SLC47A2: variants seen among roughly 807,000 people sequenced by gnomAD.
SLC47A2 encodes solute carrier family 47 member 2, also known as multidrug and toxin extrusion protein 2.
Under a neutral mutation model 67.7 loss-of-function variants are expected in SLC47A2, and 52 were observed. The observed-to-expected ratio is 0.77, with a 90% CI of 0.61 to 0.97. The LOEUF (loss-of-function observed/expected upper bound fraction) is 0.97, where lower values mean the gene tolerates loss of function less well. Among genes scored for constraint, SLC47A2 ranks in the 50% least tolerant of loss-of-function variants. SLC47A2 has a pLI of 0.00. For synonymous variants in SLC47A2, 278 were observed against 292.9 expected (o/e 0.95, Z 0.52); for missense variants, 676 against 712.3 (o/e 0.95, Z 0.58).
intron 5 of SLC47A2, among the ~76,000 whole-genome samples, chr17:19,710,723 G>A (rs1471385559): frequency 6.6e-6 from 1 of 152,026 alleles, no homozygotes; most frequent in Non-Finnish European, 1.5e-5. Context: ...AAAGTGCTAG[G>A]ATTACAGGTG....
chr17:19,707,995 A>T, intron 7 of SLC47A2, 152 bp from the exon 8 acceptor site: 1 of 814,046 alleles, frequency 1.2e-6, no homozygotes, highest in Non-Finnish European at 1.9e-6. Flanking sequence ...CAGGGCCCAC[A>T]GGCACCTCTG....
At chr17:19,706,598 C>T (rs577605887) in intron 9 of SLC47A2, 50 bp downstream of exon 9, 2 of 1,469,642 alleles carry the variant, frequency 1.4e-6, no homozygotes, top group African/African-American at 2.9e-5. Flanking sequence ...GGCTTCTGGG[C>T]TGGGTGAGCC....
intron 15 of SLC47A2, 51 bp from the exon 16 acceptor site, chr17:19,680,090 C>T (rs766686370): frequency 6.4e-7 from 1 of 1,556,478 alleles, no homozygotes; most frequent in East Asian, 2.3e-5. Context: ...AACAGTTCAC[C>T]CCTTCACTGC....
At chr17:19,686,129 G>A (rs1196064555) in intron 13 of SLC47A2, among the ~76,000 whole-genome samples, 1 of 152,124 alleles carries the variant, frequency 6.6e-6, no homozygotes, top group African/African-American at 2.4e-5. Flanking sequence ...GGGCATGGAG[G>A]TGAGCACCTG....
At chr17:19,707,220 G>A (rs1363991374) in intron 8 of SLC47A2, among the ~76,000 whole-genome samples, 1 of 152,160 alleles carries the variant, frequency 6.6e-6, no homozygotes, top group African/African-American at 2.4e-5. Flanking sequence ...GAGGCCCCAG[G>A]GGCCTGCAGA....
Position 19,702,658 on chromosome 17 carries a change from C to T in SLC47A2, c.1111G>A (p.Val371Met). The T allele has an allele frequency of 3.7e-6, 6 of 1,613,964 alleles. No individual in the cohort carries two copies. The highest frequency in any genetic ancestry group is 5.1e-6 in the Non-Finnish European group (6 of 1,179,960). ...CTATAAACCGGCAAGACCTGGCTCA[C>T]CAGGGCAATGACATCTCTGCAGAAG... ...FTNDEDVIAL[V>M]SQVLPVYSVF... The change falls in exon 13 of 17, where the codon GTG becomes ATG. Residue 371 changes from valine to methionine, a missense_variant. Physicochemically the swap from Val to Met is conservative, Grantham distance 21. Coordinates refer to ENST00000433844, the MANE Select transcript of SLC47A2 (RefSeq NM_001099646.3).
intron 8 of SLC47A2, 150 bp downstream of exon 8, chr17:19,707,596 A>C (rs2085975133): frequency 1.6e-6 from 1 of 633,866 alleles, no homozygotes; most frequent in South Asian, 2.2e-5. Flanking sequence ...GGGGCTGGGG[A>C]AGCAAAGGGG....
In SLC47A2 at chr17:19,702,600, C is replaced by T; in HGVS notation, c.1164+5G>A. The T allele has an allele frequency of 6.2e-7, 1 of 1,613,792 alleles. No homozygotes were observed. On this transcript the variant is annotated splice_donor_5th_base_variant and intron_variant, in intron 13 of 16. Coordinates refer to ENST00000433844, the MANE Select transcript of SLC47A2 (RefSeq NM_001099646.3). ...AGTCAGGCTTTGGATCAAAGTGGTA[C>T]TTACACAGATGGCCTCAAACACGTG...
intron 10 of SLC47A2, chr17:19,704,838 T>G (rs1467775366): frequency 5.4e-5 from 36 of 669,560 alleles, no homozygotes; most frequent in Non-Finnish European, 8.4e-5. Context: ...TTTTTTTTTT[T>G]TTTTTGAGAC....
intron 16 of SLC47A2, among the ~76,000 whole-genome samples, chr17:19,679,607 C>CT (rs970480687): frequency 6.6e-6 from 1 of 152,180 alleles, no homozygotes; most frequent in African/African-American, 2.4e-5. Flanking sequence ...GCTCTTGAAT[C>CT]TGACGGGTTG....
intron 10 of SLC47A2, 46 bp from the exon 11 acceptor site, chr17:19,704,224 A>C: frequency 1.3e-6 from 2 of 1,506,000 alleles, no homozygotes; most frequent in Non-Finnish European, 1.8e-6. Flanking sequence ...CCACCCTCCA[A>C]CCCCTGAAGT....
Position 19,713,827 on chromosome 17 carries a change from G to C in SLC47A2, c.441C>G (p.Ser147=). 6.2e-7 allele frequency: 1 copy of C among 1,611,110 alleles called. No homozygotes were observed. The highest frequency in any genetic ancestry group is 8.5e-7 in the Non-Finnish European group (1 of 1,178,928). Residue 147 remains serine (S), a splice_region_variant and synonymous_variant, in exon 4 of 17, where the codon TCC becomes TCG. Coordinates refer to ENST00000433844, the MANE Select transcript of SLC47A2 (RefSeq NM_001099646.3). ...LLLFRQDPDV[S]RLTQDYVMIF... ...TCCCCAGCCGGAGCCCAGCGCACCT[G>C]GACACGTCCGGGTCCTGCCGGAAGA...
At chr17:19,710,748 C>T (rs944027154) in intron 5 of SLC47A2, among the ~76,000 whole-genome samples, 3 of 151,564 alleles carry the variant, frequency 2.0e-5, no homozygotes, top group South Asian at 2.1e-4. Flanking sequence ...CCACCGTGCC[C>T]GGCTGGGTTA....
At chr17:19,683,653 G>A (rs1355493085) in intron 13 of SLC47A2, among the ~76,000 whole-genome samples, 1 of 152,162 alleles carries the variant, frequency 6.6e-6, no homozygotes, top group African/African-American at 2.4e-5. Flanking sequence ...TGTCCACATG[G>A]GCTGAAGAGA....
intron 10 of SLC47A2, chr17:19,704,989 C>G (rs943204694): frequency 5.4e-6 from 2 of 369,518 alleles, no homozygotes; most frequent in Admixed American, 4.4e-5. Flanking sequence ...CCATACCTGG[C>G]TAACTTTTTA....
At position 19,713,970 on chromosome 17, in the gene SLC47A2, A is replaced by G. The variant is rs1040711537; in HGVS notation, c.298T>C (p.Phe100Leu). Residue 100 changes from phenylalanine to leucine, a missense_variant, in exon 4 of 17, where the codon TTC becomes CTC. By Grantham distance (22) the Phe-to-Leu change is conservative. Coordinates refer to ENST00000433844, the MANE Select transcript of SLC47A2 (RefSeq NM_001099646.3). ...SACDTLMSQS[F>L]GSPNKKHVGV... ...ACGTGCTTCTTGTTGGGGCTGCCGAAGCTCTGCAAAACAGCCCGCCCCGCG... is the reference window on the plus strand; with the variant it reads ...ACGTGCTTCTTGTTGGGGCTGCCGAGGCTCTGCAAAACAGCCCGCCCCGCG... 2 of 1,611,888 alleles carry G rather than the reference A, an allele frequency of 1.2e-6. No homozygotes were observed. Among genetic ancestry groups the G allele is most frequent in the Non-Finnish European group, 1.7e-6 (2 of 1,178,616 alleles).
At chr17:19,705,633 T>A in intron 9 of SLC47A2, 130 bp from the exon 10 acceptor site, 1 of 817,778 alleles carries the variant, frequency 1.2e-6, no homozygotes, top group Non-Finnish European at 1.8e-6. Context: ...AGGGTCTCAC[T>A]CTGTCGCTTG....
At chr17:19,716,098 G>A (rs532850247) in intron 1 of SLC47A2, 4 of 263,506 alleles carry the variant, frequency 1.5e-5, no homozygotes, top group Admixed American at 5.0e-5. Flanking sequence ...TTCCCCCTGC[G>A]AAGGTGCTGC....
At chr17:19,679,262 C>T (rs1312339492) in intron 16 of SLC47A2, among the ~76,000 whole-genome samples, 1 of 152,202 alleles carries the variant, frequency 6.6e-6, no homozygotes, top group African/African-American at 2.4e-5. Flanking sequence ...AACTTACGCT[C>T]CCAGAGTTTT....
Sources: gnomAD v4.1 joint callset for allele counts (sites outside exome capture counted in the v4.1 genomes callset) on GRCh38, gnomAD v4.1.1 for gene constraint, MANE v1.5 for transcripts, NCBI Gene and HGNC (gene_info 2026-07-23, HGNC 2026-07-21) for gene names.